The following ERCC8 variants were observed in gnomAD, a reference collection of about 807,000 sequenced individuals.
ERCC8 encodes the protein DNA excision repair protein ERCC-8.
A neutral mutation model predicts 54.9 loss-of-function variants in ERCC8; 52 were observed. The observed-to-expected ratio is 0.95, with a 90% CI of 0.76 to 1.19. The LOEUF is 1.19. Among genes scored for constraint, ERCC8 ranks in the 50% most tolerant of loss-of-function variants. The pLI is 0.00. For missense variants in ERCC8, 514 were observed against 466.1 expected (o/e 1.10, Z -0.95); for synonymous variants, 146 against 157.2 (o/e 0.93, Z 0.53).
intron 11 of ERCC8, among the ~76,000 whole-genome samples, chr5:60,881,619 A>G (rs1471507533): frequency 2.0e-5 from 3 of 152,150 alleles, no homozygotes; most frequent in African/African-American, 7.2e-5. Flanking sequence ...CTGCTGTGCT[A>G]GCAATGGGCG....
intron 9 of ERCC8, among the ~76,000 whole-genome samples, chr5:60,894,862 T>C (rs1020190497): frequency 1.3e-5 from 2 of 152,148 alleles, no homozygotes; most frequent in African/African-American, 4.8e-5. Flanking sequence ...TCGTCAGGGC[T>C]AATATTGAAG....
intron 2 of ERCC8, among the ~76,000 whole-genome samples, chr5:60,923,170 C>G (rs1263532795): frequency 6.6e-6 from 1 of 152,036 alleles, no homozygotes; most frequent in African/African-American, 2.4e-5. Flanking sequence ...ATTATTGACT[C>G]ACTCTCAAGC....
At chr5:60,887,710 ATAGTAT>A (rs1309584005) in intron 10 of ERCC8, among the ~76,000 whole-genome samples, 190 bp from the exon 11 acceptor site, 2 of 152,180 alleles carry the variant, frequency 1.3e-5, no homozygotes, top group South Asian at 2.1e-4. Flanking sequence ...GTATTTAAAA[ATAGTAT>A]TAGGATTTGT....
chr5:60,899,769 C>T (rs763252894), intron 7 of ERCC8, 42 bp from the exon 8 acceptor site: 2 of 1,418,890 alleles, frequency 1.4e-6, no homozygotes, highest in Non-Finnish European at 1.0e-6. Context: ...GTAGCTAGGA[C>T]AATGACTGTA....
At chr5:60,930,204 C>T (rs967551936) in intron 1 of ERCC8, among the ~76,000 whole-genome samples, 3 of 151,684 alleles carry the variant, frequency 2.0e-5, no homozygotes, top group Non-Finnish European at 2.9e-5. Context: ...CTGAGGTGGG[C>T]GGATCACCTA....
At chr5:60,899,601 A>T in intron 8 of ERCC8, 26 bp downstream of exon 8, 1 of 1,487,484 alleles carries the variant, frequency 6.7e-7, no homozygotes, top group South Asian at 1.1e-5. Context: ...TATCATTGTC[A>T]TATTTATTAA....
In ERCC8 at chr5:60,871,866, T is replaced by C. The variant is rs964399210; in HGVS notation, c.*2749A>G. Among the ~76,000 whole-genome samples the C allele has an allele frequency of 2.0e-5, 3 of 152,146 alleles. No individual in the cohort carries two copies. Among genetic ancestry groups the C allele is most frequent in the African/African-American group, 7.2e-5 (3 of 41,444 alleles). On this transcript the variant is annotated 3_prime_UTR_variant, in exon 12 of 12. Coordinates refer to ENST00000676185, the MANE Select transcript of ERCC8 (RefSeq NM_000082.4). ...CCCAGGCTGGAGTGTAGTGACACGA[T>C]CTTGGCTCAATGCAGCCGTGACTTT... is the stretch of plus-strand genomic sequence containing the variant.
At chr5:60,926,127 T>A (rs1749742325) in intron 2 of ERCC8, among the ~76,000 whole-genome samples, 1 of 152,134 alleles carries the variant, frequency 6.6e-6, no homozygotes, top group African/African-American at 2.4e-5. Context: ...ACCCGGCCTG[T>A]CATCTTTCAA....
At chr5:60,878,479 C>T (rs1362957211) in intron 11 of ERCC8, among the ~76,000 whole-genome samples, 3 of 152,118 alleles carry the variant, frequency 2.0e-5, no homozygotes, top group Non-Finnish European at 2.9e-5. Context: ...TGGTAGAATT[C>T]GGCTGTCAAT....
chr5:60,902,338 A>G, intron 7 of ERCC8, 104 bp downstream of exon 7: 1 of 842,128 alleles, frequency 1.2e-6, no homozygotes, highest in South Asian at 1.6e-5. Context: ...AAAGGAGTGA[A>G]TTAATAATTA....
At position 60,909,094 on chromosome 5, in the gene ERCC8, T is replaced by C. The variant is rs144623976; in HGVS notation, c.400-4221A>G. Among the ~76,000 whole-genome samples the C allele has an allele frequency of 4.2e-4, 64 of 152,002 alleles. No homozygotes were observed. In the East Asian group the frequency reaches 0.012, roughly 28 times the overall value. On this transcript the variant is annotated intron_variant, in intron 4 of 11. Coordinates refer to ENST00000676185, the MANE Select transcript of ERCC8 (RefSeq NM_000082.4). ...TGGTTTGATAATTTTTGGAAAGTTT[T>C]GGCTTTAAAAAAGTCAAGATAATAG...
chr5:60,928,660 G>A (rs1749819272), intron 2 of ERCC8, among the ~76,000 whole-genome samples: 1 of 152,110 alleles, frequency 6.6e-6, no homozygotes, highest in Non-Finnish European at 1.5e-5. Context: ...TTATATTAAA[G>A]TAGCTTGGAA....
chr5:60,896,542 A>G (rs886913112), intron 9 of ERCC8, among the ~76,000 whole-genome samples: 1 of 152,158 alleles, frequency 6.6e-6, no homozygotes, highest in African/African-American at 2.4e-5. Context: ...AGAAGTTACT[A>G]AACGGCAGGA....
chr5:60,890,132 C>T (rs1483012983), intron 10 of ERCC8, among the ~76,000 whole-genome samples: 1 of 151,590 alleles, frequency 6.6e-6, no homozygotes, highest in African/African-American at 2.4e-5. Flanking sequence ...TATCTTACAG[C>T]ACAGTGTCAG....
intron 9 of ERCC8, chr5:60,893,120 T>C (rs1748615248): frequency 2.5e-6 from 2 of 784,608 alleles, no homozygotes; most frequent in East Asian, 2.5e-5. Context: ...CTTCTGCCCA[T>C]AGGATAGCCT....
chr5:60,939,006 C>T (rs1486694984), intron 1 of ERCC8, among the ~76,000 whole-genome samples: 1 of 152,006 alleles, frequency 6.6e-6, no homozygotes, highest in Admixed American at 6.6e-5. Flanking sequence ...CAGCTTTTAG[C>T]TTTATTTGTT....
chr5:60,896,007 C>T lies in ERCC8; in HGVS notation c.843+2269G>A, dbSNP rs140432470. Among the ~76,000 whole-genome samples the T allele has an allele frequency of 6.5e-3, 972 of 149,936 alleles. 8 individuals are homozygous for T. Among genetic ancestry groups the T allele is most frequent in the African/African-American group, 0.023 (906 of 39,366 alleles). ...TTTTCTTTTCTTTTCTTTTTTGAGA[C>T]GGAGTTTTCGCTCTTATTGCCCAGG... On this transcript the variant is annotated intron_variant, in intron 9 of 11. Transcript: ENST00000676185.
rs1747838281 is a variant in ERCC8, at chr5:60,870,482, T to TTA, written c.*4132_*4133insTA. On this transcript the variant is annotated 3_prime_UTR_variant, in exon 12 of 12. Coordinates refer to ENST00000676185, the MANE Select transcript of ERCC8 (RefSeq NM_000082.4). ...CAACATGGTGAAACCCCACCTCTGC[T>TTA]AAAAAAAAAAAAAAAAAAAAAAAAA... Among the ~76,000 whole-genome samples, 2 of 48,806 alleles carry TTA rather than the reference T, an allele frequency of 4.1e-5. No homozygotes were observed. The highest frequency in any genetic ancestry group is 9.9e-5 in the African/African-American group (1 of 10,054). The allele number at this position is 48,806 out of a possible 152,430, so 32.0% of individuals were successfully genotyped here.
chr5:60,874,766 A>G, intron 11 of ERCC8, 83 bp from the exon 12 acceptor site: 3 of 1,148,510 alleles, frequency 2.6e-6, no homozygotes, highest in Non-Finnish European at 3.7e-6. Context: ...GTTATGAAAT[A>G]TATCAGATAA....
Sources: gnomAD v4.1 joint callset for allele counts (sites outside exome capture counted in the v4.1 genomes callset) on GRCh38, gnomAD v4.1.1 for gene constraint, MANE v1.5 for transcripts, NCBI Gene and HGNC (gene_info 2026-07-23, HGNC 2026-07-21) for gene names.